The following CRY2 variants were observed in gnomAD, a reference collection of about 807,000 sequenced individuals.
CRY2 encodes the protein cryptochrome circadian regulator 2.
In CRY2, 31 loss-of-function variants were observed where a neutral mutation model predicts 69.5. That is an observed-to-expected ratio of 0.45 (90% CI 0.34 to 0.60). The LOEUF is 0.60. Among genes scored for constraint, CRY2 ranks in the 20% least tolerant of loss-of-function variants. CRY2 has a pLI of 0.02. For synonymous variants in CRY2, 303 were observed against 312.2 expected (o/e 0.97, Z 0.31); for missense variants, 606 against 797.8 (o/e 0.76, Z 2.90).
At chr11:45,860,203 CT>C (rs962491326) in intron 3 of CRY2, among the ~76,000 whole-genome samples, 13 of 152,188 alleles carry the variant, frequency 8.5e-5, no homozygotes, top group Admixed American at 2.6e-4. Flanking sequence ...ATGAAAAATA[CT>C]TTGTAAACTA....
chr11:45,858,957 C>T (rs2086264605), intron 3 of CRY2, 84 bp downstream of exon 3: 6 of 1,529,622 alleles, frequency 3.9e-6, no homozygotes, highest in Non-Finnish European at 5.3e-6. Flanking sequence ...CAGAGAGGTT[C>T]AGCATTAGGG....
intron 11 of CRY2, among the ~76,000 whole-genome samples, chr11:45,880,124 A>G (rs2086459604): frequency 6.6e-6 from 1 of 152,234 alleles, no homozygotes; most frequent in African/African-American, 2.4e-5. Context: ...ACAAGTGTAT[A>G]GTACCTGACC....
At chr11:45,879,834 G>T (rs1381183863) in intron 11 of CRY2, among the ~76,000 whole-genome samples, 1 of 152,196 alleles carries the variant, frequency 6.6e-6, no homozygotes, top group Admixed American at 6.5e-5. Flanking sequence ...TCAAAATGTT[G>T]CCAGGGTTGG....
chr11:45,861,143 C>CA, intron 4 of CRY2, 111 bp downstream of exon 4: 2 of 1,275,092 alleles, frequency 1.6e-6, no homozygotes, highest in Non-Finnish European at 2.1e-6. Context: ...CACAGGAAAA[C>CA]AAAAATGGAA....
At chr11:45,870,819 A>G (rs2086373644) in intron 9 of CRY2, 23 bp from the exon 10 acceptor site, 2 of 1,595,638 alleles carry the variant, frequency 1.3e-6, no homozygotes, top group Non-Finnish European at 1.7e-6. Context: ...CGGCACTCTG[A>G]TTACTCCTCG....
rs201164497 is a variant in CRY2 at position 45,869,486 on chromosome 11, G to A, written c.883-20G>A. The A allele has an allele frequency of 6.3e-7, 1 of 1,589,034 alleles. No homozygotes were observed. The highest frequency in any genetic ancestry group is 8.6e-7 in the Non-Finnish European group (1 of 1,165,834). ...GAGCTGGGCGAGTGTTTGTATCCAT[G>A]TGCCACCCCTACCTCTCAGGTGAAG... is the stretch of plus-strand genomic sequence containing the variant. On this transcript the variant is annotated intron_variant, in intron 6 of 11. Coordinates refer to ENST00000616080, the MANE Select transcript of CRY2 (RefSeq NM_021117.5).
At chr11:45,872,452 ACCATTGGG>A (rs1248836287) in intron 11 of CRY2, among the ~76,000 whole-genome samples, 1 of 151,964 alleles carries the variant, frequency 6.6e-6, no homozygotes, top group Non-Finnish European at 1.5e-5. Flanking sequence ...TGTGACCTTT[ACCATTGGG>A]CCGGCTATGG....
intron 3 of CRY2, among the ~76,000 whole-genome samples, chr11:45,860,038 TG>T (rs2086274591): frequency 1.3e-5 from 2 of 152,202 alleles, no homozygotes; most frequent in South Asian, 4.1e-4. Context: ...CCCAGCCAGA[TG>T]GGCCTTGCGT....
At chr11:45,874,868 G>T (rs1042760568) in intron 11 of CRY2, among the ~76,000 whole-genome samples, 7 of 152,122 alleles carry the variant, frequency 4.6e-5, no homozygotes, top group African/African-American at 1.4e-4. Flanking sequence ...ACTTGAACCC[G>T]GGAGGCAGAG....
chr11:45,853,931 C>CA (rs2086217899), intron 1 of CRY2, among the ~76,000 whole-genome samples: 1 of 152,254 alleles, frequency 6.6e-6, no homozygotes, highest in Non-Finnish European at 1.5e-5. Flanking sequence ...CCCAACCTCT[C>CA]AGAGAGTCTT....
intron 3 of CRY2, 30 bp downstream of exon 3, chr11:45,858,903 C>T: frequency 6.2e-7 from 1 of 1,604,798 alleles, no homozygotes; most frequent in Non-Finnish European, 8.5e-7. Context: ...GATCAGGTTA[C>T]CAATTGTGAG....
intron 11 of CRY2, among the ~76,000 whole-genome samples, chr11:45,874,372 G>T (rs984376408): frequency 1.3e-5 from 2 of 152,160 alleles, no homozygotes; most frequent in Non-Finnish European, 2.9e-5. Flanking sequence ...ACAAATAGGG[G>T]CTTATTTTTC....
chr11:45,863,540 T>A (rs2086304868), intron 5 of CRY2, among the ~76,000 whole-genome samples: 1 of 151,570 alleles, frequency 6.6e-6, no homozygotes, highest in Admixed American at 6.6e-5. Context: ...GAGTTGAACC[T>A]GATTTCAGGA....
chr11:45,868,014 G>T, intron 6 of CRY2: 1 of 478,034 alleles, frequency 2.1e-6, no homozygotes, highest in Non-Finnish European at 3.7e-6. Context: ...GCAGGCCTCA[G>T]GTGTGACCCT....
intron 8 of CRY2, 29 bp from the exon 9 acceptor site, chr11:45,870,301 G>C (rs774086610): frequency 6.2e-7 from 1 of 1,613,946 alleles, no homozygotes; most frequent in Admixed American, 1.7e-5. Context: ...TGGGTATGCT[G>C]ATGGGTCATC....
chr11:45,875,354 T>C (rs1281670718), intron 11 of CRY2, among the ~76,000 whole-genome samples: 1 of 152,244 alleles, frequency 6.6e-6, no homozygotes, highest in Non-Finnish European at 1.5e-5. Context: ...GTCTGCTATG[T>C]ACTCTTTGGG....
rs531750976 is a variant in CRY2 at position 45,862,210 on chromosome 11, G to A, written c.741+62G>A. The stretch of plus-strand genomic sequence containing the variant: ...TGATATCCACACAGCAGGAGATACA[G>A]GTCATGTCCATGTCCTTTAGTCCCT... On this transcript the variant is annotated intron_variant, in intron 5 of 11. Transcript: ENST00000616080. 96 of 1,495,930 alleles carry A rather than the reference G, an allele frequency of 6.4e-5. No homozygotes were observed. The South Asian group carries it at 1.1e-3, about 18-fold the overall frequency. 92.7% of individuals were successfully genotyped at this position (1,495,930 alleles called of 1,614,324 possible).
intron 11 of CRY2, among the ~76,000 whole-genome samples, chr11:45,876,080 C>G (rs1228518091): frequency 6.6e-6 from 1 of 152,182 alleles, no homozygotes; most frequent in African/African-American, 2.4e-5. Context: ...ACTTGCCCCT[C>G]TTTCCTCCAT....
At position 45,872,089 on chromosome 11, in the gene CRY2, C is replaced by T. The variant is rs2086387891; in HGVS notation, c.1643-3C>T. 3 of 1,613,962 alleles carry T rather than the reference C, an allele frequency of 1.9e-6. No individual in the cohort carries two copies. The highest frequency in any genetic ancestry group is 1.3e-5 in the African/African-American group (1 of 75,040). ...TGTGACCCTTTGACACGCTTCCCTA[C>T]AGGCCCAAGACCACTACCCAGTGGC... On this transcript the variant is annotated splice_polypyrimidine_tract_variant and splice_region_variant and intron_variant, in intron 10 of 11. Coordinates refer to ENST00000616080, the MANE Select transcript of CRY2 (RefSeq NM_021117.5).
Sources: gnomAD v4.1 joint callset for allele counts (sites outside exome capture counted in the v4.1 genomes callset) on GRCh38, gnomAD v4.1.1 for gene constraint, MANE v1.5 for transcripts, NCBI Gene and HGNC (gene_info 2026-07-23, HGNC 2026-07-21) for gene names.